Variants in ANTXR2 observed in about 807,000 individuals in gnomAD.
ANTXR2 encodes anthrax toxin receptor 2.
Under a neutral mutation model 73.7 loss-of-function variants are expected in ANTXR2, and 44 were observed. The ratio of observed to expected loss-of-function variants is 0.60; its 90% CI spans 0.47 to 0.77. The LOEUF (loss-of-function observed/expected upper bound fraction) is 0.77, where lower values mean the gene tolerates loss of function less well. ANTXR2 is among the 30% of genes least tolerant of loss of function. ANTXR2 has a pLI of 0.00. For missense variants in ANTXR2, 604 were observed against 592.5 expected (o/e 1.02, Z -0.20); for synonymous variants, 217 against 205.9 (o/e 1.05, Z -0.46).
intron 7 of ANTXR2, among the ~76,000 whole-genome samples, chr4:80,039,996 T>C (rs1733158602): frequency 6.6e-6 from 1 of 152,060 alleles, no homozygotes; most frequent in Non-Finnish European, 1.5e-5. Flanking sequence ...ACCATTATCC[T>C]AAGTGAATTA....
intron 11 of ANTXR2, among the ~76,000 whole-genome samples, chr4:80,014,730 C>T (rs1731759172): frequency 6.6e-6 from 1 of 152,158 alleles, no homozygotes; most frequent in Non-Finnish European, 1.5e-5. Flanking sequence ...ATGTAATCAT[C>T]AAGGGAGATA....
chr4:80,065,307 A>G (rs1734445956), intron 3 of ANTXR2, among the ~76,000 whole-genome samples: 1 of 152,174 alleles, frequency 6.6e-6, no homozygotes, highest in South Asian at 2.1e-4. Flanking sequence ...TCCATACTGA[A>G]TCAACACTTG....
intron 12 of ANTXR2, among the ~76,000 whole-genome samples, chr4:79,999,702 G>A (rs1362398901): frequency 6.6e-6 from 1 of 151,954 alleles, no homozygotes; most frequent in Non-Finnish European, 1.5e-5. Flanking sequence ...CTTGTAATAA[G>A]TTTAGAAACT....
chr4:79,937,795 T>G (rs1247297184), intron 16 of ANTXR2, among the ~76,000 whole-genome samples: 1 of 151,034 alleles, frequency 6.6e-6, no homozygotes, highest in Non-Finnish European at 1.5e-5. Flanking sequence ...CGGTGATTTC[T>G]GCATTTCCAT....
At chr4:80,050,746 C>T (rs1733735887) in intron 7 of ANTXR2, among the ~76,000 whole-genome samples, 1 of 151,526 alleles carries the variant, frequency 6.6e-6, no homozygotes, top group Admixed American at 6.6e-5. Flanking sequence ...TTCCTTTCAT[C>T]GTGTCTCACA....
chr4:80,033,820 T>A (rs994781624), intron 8 of ANTXR2, among the ~76,000 whole-genome samples: 17 of 151,970 alleles, frequency 1.1e-4, no homozygotes, highest in African/African-American at 3.9e-4. Context: ...ACAAAGTGAT[T>A]CCCAGTAGTG....
Position 80,069,431 on chromosome 4 carries a change from C to G in ANTXR2, c.296+5G>C, listed in dbSNP as rs1268310384. The G allele has an allele frequency of 1.9e-6, 3 of 1,578,860 alleles. No individual in the cohort carries two copies. Among genetic ancestry groups the G allele is most frequent in the Non-Finnish European group, 2.6e-6 (3 of 1,152,582 alleles). ...AAGCCTGCAGTGAAATGATAATGCACTAACCTGTCTCCAGTTAATGGCAAA... is the reference window on the plus strand; with the variant it reads ...AAGCCTGCAGTGAAATGATAATGCAGTAACCTGTCTCCAGTTAATGGCAAA... On this transcript the variant is annotated splice_donor_5th_base_variant and intron_variant, in intron 3 of 16. Coordinates refer to ENST00000403729, the MANE Select transcript of ANTXR2 (RefSeq NM_058172.6).
intron 3 of ANTXR2, among the ~76,000 whole-genome samples, chr4:80,057,201 G>A (rs1560427305): frequency 6.6e-6 from 1 of 151,940 alleles, no homozygotes; most frequent in Non-Finnish European, 1.5e-5. Flanking sequence ...TACTGAGGAT[G>A]ATAGATGAAG....
chr4:79,983,245 A>T (rs1318254889), intron 14 of ANTXR2, among the ~76,000 whole-genome samples: 3 of 152,124 alleles, frequency 2.0e-5, no homozygotes, highest in Non-Finnish European at 4.4e-5. Context: ...ATAATTGCTT[A>T]TTACTAAATA....
At chr4:79,928,093 A>G (rs985682719) in intron 16 of ANTXR2, among the ~76,000 whole-genome samples, 168 of 152,384 alleles carry the variant, frequency 1.1e-3, no homozygotes, top group Non-Finnish European at 1.7e-3. Flanking sequence ...CATAACTGCC[A>G]AAAAGTAGAA....
At chr4:79,945,028 T>C (rs759581567) in intron 16 of ANTXR2, among the ~76,000 whole-genome samples, 1 of 152,144 alleles carries the variant, frequency 6.6e-6, no homozygotes, top group Non-Finnish European at 1.5e-5. Flanking sequence ...ACTCATGATC[T>C]GGGGTTGATT....
At chr4:80,051,811 C>T (rs1399727896) in intron 7 of ANTXR2, among the ~76,000 whole-genome samples, 2 of 151,364 alleles carry the variant, frequency 1.3e-5, no homozygotes, top group Non-Finnish European at 3.0e-5. Flanking sequence ...TGAAGAAAGG[C>T]TCCAAAATAA....
At chr4:79,987,484 A>G (rs1242538466) in intron 12 of ANTXR2, among the ~76,000 whole-genome samples, 1 of 152,216 alleles carries the variant, frequency 6.6e-6, no homozygotes, top group Non-Finnish European at 1.5e-5. Flanking sequence ...GGATTATGTA[A>G]GAAGATCAAA....
In ANTXR2 at chr4:79,984,876, A is replaced by G. The variant is rs1730050902; in HGVS notation, c.1042-13T>C. The stretch of plus-strand genomic sequence containing the variant: ...GATCCTTAATAACCTGTCAAAAAAA[A>G]TCAAATATAAAAATTTCTATGGCAT... On this transcript the variant is annotated splice_polypyrimidine_tract_variant and intron_variant, in intron 12 of 16. Coordinates refer to ENST00000403729, the MANE Select transcript of ANTXR2 (RefSeq NM_058172.6). 1.9e-6 allele frequency: 3 copies of G among 1,585,208 alleles called. No individual in the cohort carries two copies. Among genetic ancestry groups the G allele is most frequent in the Non-Finnish European group, 2.6e-6 (3 of 1,163,308 alleles).
intron 16 of ANTXR2, among the ~76,000 whole-genome samples, chr4:79,966,386 C>T (rs1013467167): frequency 6.6e-6 from 1 of 152,120 alleles, no homozygotes; most frequent in Admixed American, 6.5e-5. Context: ...CAACTAACCA[C>T]AGTAAGTAGA....
chr4:80,035,944 A>G (rs1732935258), intron 8 of ANTXR2, 28 bp downstream of exon 8: 6 of 1,501,380 alleles, frequency 4.0e-6, no homozygotes, highest in Non-Finnish European at 4.5e-6. Context: ...AATTTCTTAC[A>G]TGGTATTTTT....
chr4:79,960,051 A>G (rs978656681), intron 16 of ANTXR2, among the ~76,000 whole-genome samples: 2 of 152,184 alleles, frequency 1.3e-5, no homozygotes, highest in Non-Finnish European at 2.9e-5. Context: ...GAAATGTTTT[A>G]CAGACTTACT....
chr4:80,025,649 G>A (rs1195811275), intron 10 of ANTXR2, among the ~76,000 whole-genome samples: 3 of 152,130 alleles, frequency 2.0e-5, no homozygotes, highest in Non-Finnish European at 4.4e-5. Flanking sequence ...TTAAAAGATA[G>A]TTTTATGAAT....
At chr4:80,057,418 T>C (rs1394127363) in intron 3 of ANTXR2, among the ~76,000 whole-genome samples, 12 of 152,008 alleles carry the variant, frequency 7.9e-5, no homozygotes, top group Admixed American at 7.9e-4. Flanking sequence ...CTTATATACG[T>C]TTTAAAAGTA....
Sources: allele counts gnomAD v4.1 joint callset (sites outside exome capture counted in the v4.1 genomes callset), GRCh38; gene constraint gnomAD v4.1.1; transcripts MANE v1.5; gene names NCBI Gene and HGNC (gene_info 2026-07-23, HGNC 2026-07-21).